The following POLQ variants were observed in gnomAD, a reference collection of about 807,000 sequenced individuals.
POLQ encodes epididymis secretory sperm binding protein.
In POLQ, 233 loss-of-function variants were observed where a neutral mutation model predicts 259.2. That is an observed-to-expected ratio of 0.90 (90% CI 0.81 to 1.00). The LOEUF (loss-of-function observed/expected upper bound fraction) is 1.00, where lower values mean the gene tolerates loss of function less well. Among genes scored for constraint, POLQ ranks in the 50% least tolerant of loss-of-function variants. The pLI, the probability that POLQ is intolerant of heterozygous loss-of-function variation, is 0.00. For synonymous variants in POLQ, 1,025 were observed against 1,048.8 expected (o/e 0.98, Z 0.44); for missense variants, 2,871 against 3,051.6 (o/e 0.94, Z 1.39).
At chr3:121,506,993 T>C (rs2048213535) in intron 12 of POLQ, among the ~76,000 whole-genome samples, 1 of 152,132 alleles carries the variant, frequency 6.6e-6, no homozygotes, top group Non-Finnish European at 1.5e-5. Context: ...AAAAAAGGTA[T>C]AATGTATACA....
chr3:121,491,346 C>CAAAAAAAA (rs3045625), intron 15 of POLQ, among the ~76,000 whole-genome samples: 69 of 77,970 alleles, frequency 8.8e-4, no homozygotes, highest in Middle Eastern at 0.011. Flanking sequence ...GAGACTGTCA[C>CAAAAAAAA]AAAAAAAAAA....
chr3:121,468,205 ATAAAAT>A, intron 23 of POLQ, 94 bp downstream of exon 23: 1 of 1,046,002 alleles, frequency 9.6e-7, no homozygotes, highest in Admixed American at 2.4e-5. Context: ...TGTCTGAAAC[ATAAAAT>A]TAAATTAATT....
chr3:121,493,691 C>T lies in POLQ; in HGVS notation c.2309G>A (p.Gly770Asp). Residue 770 changes from glycine (G) to aspartate (D), a missense_variant, in exon 15 of 30, where the codon GGC becomes GAC. Coordinates refer to ENST00000264233, the MANE Select transcript of POLQ (RefSeq NM_199420.4). ...GMITVFSNRL[G>D]WHNMELLLSQ... ...AAGTAGTAGTTCCATGTTGTGCCAG[C>T]CCAGACGGTTGGAAAATACTGTAAT... The T allele has an allele frequency of 1.2e-6, 2 of 1,613,686 alleles. No individual in the cohort carries two copies. Among genetic ancestry groups the T allele is most frequent in the Non-Finnish European group, 1.7e-6 (2 of 1,179,628 alleles).
At chr3:121,462,206 C>T (rs2108785057) in intron 24 of POLQ, among the ~76,000 whole-genome samples, 1 of 152,204 alleles carries the variant, frequency 6.6e-6, no homozygotes, top group Middle Eastern at 3.4e-3. Context: ...CTGTAAATGG[C>T]CACAACTTTG....
rs768051247 is a variant in POLQ, at chr3:121,489,605, T to A, written c.3326A>T (p.Asp1109Val). ...KNVSLSGKEKDNKTSFPLQIK... is the reference protein window; with the variant it reads ...KNVSLSGKEKVNKTSFPLQIK... Reference sequence around the variant, plus strand: ...TTGTAATGGGAATGATGTTTTATTATCTTTTTCCTTACCACTCAAAGATAC... The same window carrying A: ...TTGTAATGGGAATGATGTTTTATTAACTTTTTCCTTACCACTCAAAGATAC... The change falls in exon 16 of 30, where the codon GAT (aspartate) becomes GTT (valine). Residue 1109 changes from aspartate to valine, a missense_variant. Transcript: ENST00000264233. The A allele has an allele frequency of 1.9e-6, 3 of 1,613,540 alleles. No individual in the cohort carries two copies. Among genetic ancestry groups the A allele is most frequent in the African/African-American group, 1.3e-5 (1 of 74,910 alleles).
chr3:121,533,903 CTTT>C (rs35959660), intron 5 of POLQ, among the ~76,000 whole-genome samples: 3 of 119,632 alleles, frequency 2.5e-5, no homozygotes, highest in Admixed American at 9.8e-5. Flanking sequence ...TGTGGATACC[CTTT>C]TTTTTTTTTT....
chr3:121,466,382 A>T (rs1352454239), intron 24 of POLQ, among the ~76,000 whole-genome samples: 2 of 134,434 alleles, frequency 1.5e-5, no homozygotes, highest in Non-Finnish European at 3.2e-5. Context: ...AAAAAAAAAA[A>T]GAAAGAAAGA....
chr3:121,499,095 T>A (rs1187375444), intron 12 of POLQ, among the ~76,000 whole-genome samples: 1 of 151,642 alleles, frequency 6.6e-6, no homozygotes, highest in African/African-American at 2.4e-5. Flanking sequence ...AAAATTACAA[T>A]AAAATAAAAT....
intron 13 of POLQ, among the ~76,000 whole-genome samples, chr3:121,497,816 T>C (rs572763314): frequency 2.6e-5 from 4 of 152,336 alleles, no homozygotes; most frequent in South Asian, 4.1e-4. Flanking sequence ...TTCTCCTCTA[T>C]TGGTAATGAA....
intron 4 of POLQ, among the ~76,000 whole-genome samples, chr3:121,538,349 G>A (rs1446448518): frequency 1.3e-5 from 2 of 151,990 alleles, no homozygotes; most frequent in Non-Finnish European, 2.9e-5. Context: ...TGAAAATTCA[G>A]TATCAACTAA....
intron 12 of POLQ, among the ~76,000 whole-genome samples, chr3:121,507,621 G>A (rs1404624773): frequency 2.0e-5 from 3 of 152,106 alleles, no homozygotes; most frequent in Admixed American, 6.6e-5. Flanking sequence ...CAGCTACTCA[G>A]GAGGCTAAGG....
chr3:121,490,563 G>A, intron 15 of POLQ, 155 bp from the exon 16 acceptor site: 2 of 645,666 alleles, frequency 3.1e-6, no homozygotes, highest in Admixed American at 3.0e-5. Flanking sequence ...TTCTAGCTGG[G>A]GAATTCAGAA....
intron 12 of POLQ, among the ~76,000 whole-genome samples, chr3:121,508,189 A>C (rs1422574839): frequency 6.6e-6 from 1 of 152,084 alleles, no homozygotes; most frequent in African/African-American, 2.4e-5. Flanking sequence ...TACAACTCGA[A>C]TGGTGAGAGA....
rs2047856232 is a variant in POLQ at position 121,468,419 on chromosome 3, A to C, written c.6731T>G (p.Phe2244Cys). The C allele has an allele frequency of 6.2e-7, 1 of 1,610,004 alleles. No homozygotes were observed. The part of the protein sequence containing the change: ...QSHTATGRIT[F>C]TEPNIQNVPR... ...CACATTCTGAATATTTGGTTCTGTA[A>C]AGGTTATTCGTCCTAAAATCAAGCA... The change falls in exon 23 of 30, where the codon TTT (phenylalanine) becomes TGT (cysteine). Residue 2244 changes from phenylalanine to cysteine, a missense_variant. Phe to Cys is a radical substitution (Grantham distance 205). Around this residue, in one of 3 missense-constraint regions of POLQ, gnomAD observed 2,080 missense variants for 2,126.0 expected, o/e 0.98. Coordinates refer to ENST00000264233, the MANE Select transcript of POLQ (RefSeq NM_199420.4).
chr3:121,487,234 TCTAA>T (rs1243510090), intron 16 of POLQ, 64 bp downstream of exon 16: 9 of 815,812 alleles, frequency 1.1e-5, no homozygotes, highest in South Asian at 4.0e-5. Flanking sequence ...CATTGAGAAA[TCTAA>T]CTCTTATCTC....
At chr3:121,497,038 A>C in intron 13 of POLQ, 106 bp from the exon 14 acceptor site, 1 of 1,088,430 alleles carries the variant, frequency 9.2e-7, no homozygotes, top group South Asian at 1.4e-5. Context: ...GAGGGCTTAT[A>C]TAATACATTG....
At chr3:121,525,084 G>A (rs747394810) in intron 7 of POLQ, among the ~76,000 whole-genome samples, 4 of 152,112 alleles carry the variant, frequency 2.6e-5, no homozygotes, top group Non-Finnish European at 4.4e-5. Context: ...TCTCACAACT[G>A]TAATCCCAGC....
At chr3:121,486,375 C>G (rs1240904742) in intron 16 of POLQ, among the ~76,000 whole-genome samples, 1 of 151,360 alleles carries the variant, frequency 6.6e-6, no homozygotes, top group East Asian at 1.9e-4. Context: ...ACAGTGAAAC[C>G]CCATCTGTAC....
At chr3:121,498,253 T>C (rs1179194564) in intron 13 of POLQ, among the ~76,000 whole-genome samples, 2 of 151,750 alleles carry the variant, frequency 1.3e-5, no homozygotes, top group Non-Finnish European at 2.9e-5. Context: ...GAGGTTGCGG[T>C]GAGCTGAGAT....
Sources: allele counts gnomAD v4.1 joint callset (sites outside exome capture counted in the v4.1 genomes callset), GRCh38; gene constraint gnomAD v4.1.1; regional missense constraint gnomAD v4.1.1; transcripts MANE v1.5; gene names NCBI Gene and HGNC (gene_info 2026-07-23, HGNC 2026-07-21).